The following FOXP1 variants were observed in gnomAD, a reference collection of about 807,000 sequenced individuals.
FOXP1 encodes forkhead box P1, also known as forkhead box protein P1.
Under a neutral mutation model 98.2 loss-of-function variants are expected in FOXP1, and 15 were observed. The ratio of observed to expected loss-of-function variants is 0.15; its 90% CI spans 0.10 to 0.24. The LOEUF is 0.24. FOXP1 is among the 10% of genes least tolerant of loss of function. FOXP1 has a pLI of 1.00. For synonymous variants in FOXP1, 371 were observed against 314.5 expected, an observed-to-expected ratio of 1.18 and a Z score of -1.90; for missense variants, 633 against 848.5, an observed-to-expected ratio of 0.75 and a Z score of 3.15.
chr3:71,178,847 G>A (rs1396139810), intron 6 of FOXP1, among the ~76,000 whole-genome samples: 1 of 151,478 alleles, frequency 6.6e-6, no homozygotes, highest in African/African-American at 2.4e-5. Flanking sequence ...TCGCACCACT[G>A]CACTGCAGCC....
chr3:71,420,888 C>T (rs115159922), intron 3 of FOXP1, among the ~76,000 whole-genome samples: 364 of 152,158 alleles, frequency 2.4e-3, no homozygotes, highest in South Asian at 5.2e-3. Flanking sequence ...TTGGTAGAGA[C>T]AGAGTCTTGC....
chr3:70,959,331 G>A lies in FOXP1; in HGVS notation c.1950C>T (p.Ser650=). ...LDPEEAEGPL[S]LVTTANHSPD... ...GACTGTGGTTGGCTGTTGTCACTAAGGACAGGGGCCCTTCAGCTTCCTCTG... is the reference window on the plus strand; with the variant it reads ...GACTGTGGTTGGCTGTTGTCACTAAAGACAGGGGCCCTTCAGCTTCCTCTG... Residue 650 remains serine, a synonymous_variant, in exon 21 of 21, where the codon TCC becomes TCT. Transcript: ENST00000649528. 2.5e-6 allele frequency: 4 copies of A among 1,614,020 alleles called. No homozygotes were observed. The highest frequency in any genetic ancestry group is 3.4e-6 in the Non-Finnish European group (4 of 1,180,012).
chr3:71,203,904 C>T (rs2063822670), intron 5 of FOXP1, among the ~76,000 whole-genome samples: 1 of 140,746 alleles, frequency 7.1e-6, no homozygotes, highest in African/African-American at 2.7e-5. Flanking sequence ...GCATGCAATT[C>T]TGAAGAGATA....
At chr3:71,159,104 CAAAAA>C (rs34653634) in intron 6 of FOXP1, among the ~76,000 whole-genome samples, 1 of 77,994 alleles carries the variant, frequency 1.3e-5, no homozygotes, top group African/African-American at 4.6e-5. Context: ...AACCCTATCT[CAAAAA>C]AAAAAAAAAA....
intron 2 of FOXP1, among the ~76,000 whole-genome samples, chr3:71,556,277 A>C (rs1236196206): frequency 6.6e-6 from 1 of 152,156 alleles, no homozygotes; most frequent in Non-Finnish European, 1.5e-5. Context: ...ATTCTATACC[A>C]TCTTTCACCT....
intron 3 of FOXP1, among the ~76,000 whole-genome samples, chr3:71,393,482 G>T (rs189564981): frequency 2.5e-4 from 37 of 147,118 alleles, no homozygotes; most frequent in African/African-American, 6.8e-4. Flanking sequence ...GTACATTTAC[G>T]CAGTGGATGC....
chr3:71,421,192 C>A (rs149201472), intron 3 of FOXP1, among the ~76,000 whole-genome samples: 2 of 152,268 alleles, frequency 1.3e-5, no homozygotes, highest in South Asian at 2.1e-4. Context: ...GCGACAAATT[C>A]TTTGGGAAAA....
At chr3:71,250,139 C>T (rs188640806) in intron 5 of FOXP1, among the ~76,000 whole-genome samples, 28 of 150,188 alleles carry the variant, frequency 1.9e-4, no homozygotes, top group Non-Finnish European at 3.7e-4. Flanking sequence ...GTGTAAGCTA[C>T]CCTATGCATT....
chr3:71,252,636 G>A (rs949981452), intron 5 of FOXP1, among the ~76,000 whole-genome samples: 2 of 152,106 alleles, frequency 1.3e-5, no homozygotes, highest in East Asian at 1.9e-4. Flanking sequence ...GTTTACTTAC[G>A]TCACCCAGTC....
intron 6 of FOXP1, among the ~76,000 whole-genome samples, chr3:71,144,861 G>T (rs62256862): frequency 0.12 from 18,048 of 152,084 alleles, 1,161 homozygotes; most frequent in East Asian, 0.18. Context: ...CCCTGGCCCC[G>T]GGCAACCACT....
At chr3:70,972,843 G>A (rs562474534) in intron 17 of FOXP1, among the ~76,000 whole-genome samples, 167 bp from the exon 18 acceptor site, 1 of 152,306 alleles carries the variant, frequency 6.6e-6, no homozygotes, top group African/African-American at 2.4e-5. Context: ...TTTTCCAAAA[G>A]CAAAAATAAA....
chr3:71,450,948 G>A (rs2086895450), intron 3 of FOXP1, among the ~76,000 whole-genome samples: 1 of 152,054 alleles, frequency 6.6e-6, no homozygotes, highest in South Asian at 2.1e-4. Context: ...AAACTTTATG[G>A]CACTACAGGC....
At chr3:71,488,071 A>T (rs973912100) in intron 3 of FOXP1, among the ~76,000 whole-genome samples, 6 of 152,110 alleles carry the variant, frequency 3.9e-5, no homozygotes, top group African/African-American at 1.4e-4. Flanking sequence ...CTTTGACTCT[A>T]CCTCCTTAGG....
intron 4 of FOXP1, among the ~76,000 whole-genome samples, chr3:71,340,489 G>A (rs186520667): frequency 1.3e-5 from 2 of 152,194 alleles, no homozygotes; most frequent in Non-Finnish European, 2.9e-5. Context: ...AGAAAGGGCT[G>A]TAGAGTCAGA....
chr3:71,528,903 A>T (rs1204728703), intron 2 of FOXP1, among the ~76,000 whole-genome samples: 2 of 152,210 alleles, frequency 1.3e-5, no homozygotes, highest in Non-Finnish European at 2.9e-5. Context: ...TGAAGTATGA[A>T]GTATCTTCAA....
intron 7 of FOXP1, among the ~76,000 whole-genome samples, chr3:71,074,430 T>C (rs2053591190): frequency 1.3e-5 from 2 of 152,178 alleles, no homozygotes; most frequent in African/African-American, 4.8e-5. Context: ...TTTCATCCTA[T>C]TGGCCAGGCT....
At chr3:71,259,979 A>C (rs930956860) in intron 5 of FOXP1, among the ~76,000 whole-genome samples, 1 of 151,874 alleles carries the variant, frequency 6.6e-6, no homozygotes, top group Non-Finnish European at 1.5e-5. Context: ...CTAACCAGGG[A>C]CACTTTCTTT....
Position 71,485,904 on chromosome 3 carries a change from C to T in FOXP1, c.-168+7522G>A, listed in dbSNP as rs975797081. ...TTTGGAGAAAATTTTTGGAGGAAGC[C>T]ATTCCCTTTTACATTGCTGCCTCTA... is the stretch of plus-strand genomic sequence containing the variant. On this transcript the variant is annotated intron_variant, in intron 3 of 20. Coordinates refer to ENST00000649528, the MANE Select transcript of FOXP1 (RefSeq NM_001349338.3). Among the ~76,000 whole-genome samples the T allele has an allele frequency of 5.3e-5, 8 of 152,146 alleles. 1 individual carries two copies.
chr3:71,581,702 A>C lies in FOXP1; in HGVS notation c.-446-5T>G. The stretch of plus-strand genomic sequence containing the variant: ...CCTCTTACAAACTTTCGGGTTCTGC[A>C]GTCGACAAGAAACCGGGGCGACCCT... On this transcript the variant is annotated splice_region_variant and splice_polypyrimidine_tract_variant and intron_variant, in intron 1 of 20. Coordinates refer to ENST00000649528, the MANE Select transcript of FOXP1 (RefSeq NM_001349338.3). 1.0e-6 allele frequency: 1 copy of C among 985,614 alleles called. No individual in the cohort carries two copies. The highest frequency in any genetic ancestry group is 1.2e-6 in the Non-Finnish European group (1 of 830,076). The allele number at this position is 985,614 out of a possible 1,614,324, so 61.1% of individuals were successfully genotyped here. A position where few individuals can be genotyped will look rare whatever the true frequency, so the allele number is the denominator to read the frequency against.
Sources: gnomAD v4.1 joint callset for allele counts (sites outside exome capture counted in the v4.1 genomes callset) on GRCh38, gnomAD v4.1.1 for gene constraint, MANE v1.5 for transcripts, NCBI Gene and HGNC (gene_info 2026-07-23, HGNC 2026-07-21) for gene names.